TMPRSS4: variants seen among roughly 807,000 people sequenced by gnomAD.
The protein encoded by TMPRSS4 is transmembrane protease serine 4.
A neutral mutation model predicts 56.4 loss-of-function variants in TMPRSS4; 45 were observed. That is an observed-to-expected ratio of 0.80 (90% CI 0.63 to 1.02). The LOEUF (loss-of-function observed/expected upper bound fraction) is 1.02. Among genes scored for constraint, TMPRSS4 ranks in the 50% least tolerant of loss-of-function variants. The pLI, the probability that TMPRSS4 is intolerant of heterozygous loss-of-function variation, is 0.00. For missense variants in TMPRSS4, 546 were observed against 556.7 expected, an observed-to-expected ratio of 0.98 and a Z score of 0.19; for synonymous variants, 205 against 211.0, an observed-to-expected ratio of 0.97 and a Z score of 0.25.
chr11:118,082,064 AG>A (rs1945175684), intron 1 of TMPRSS4, among the ~76,000 whole-genome samples: 1 of 152,180 alleles, frequency 6.6e-6, no homozygotes, highest in Non-Finnish European at 1.5e-5. Flanking sequence ...GGGTCTTGCC[AG>A]GCTGCTGGGA....
At position 118,080,681 on chromosome 11, in the gene TMPRSS4, C is replaced by A. The variant is rs538233556; in HGVS notation, c.3+3376C>A. On this transcript the variant is annotated intron_variant, in intron 1 of 12. Transcript: ENST00000437212. ...AATGTAAGAAATGAGGAGAGACCAG[C>A]TCAAGGGGGTCATGGGTAGAGGGAG... is the stretch of plus-strand genomic sequence containing the variant. Among the ~76,000 whole-genome samples the A allele has an allele frequency of 2.0e-5, 3 of 152,284 alleles. No homozygotes were observed. In the East Asian group the frequency reaches 5.8e-4, roughly 29 times the overall value.
At chr11:118,098,778 G>A (rs1328853835) in intron 2 of TMPRSS4, among the ~76,000 whole-genome samples, 3 of 152,188 alleles carry the variant, frequency 2.0e-5, no homozygotes, top group African/African-American at 7.2e-5. Context: ...GGAAAGATAG[G>A]TGAGCCTGGA....
At chr11:118,104,655 C>G (rs763747588) in intron 4 of TMPRSS4, 36 bp from the exon 5 acceptor site, 6 of 1,613,694 alleles carry the variant, frequency 3.7e-6, no homozygotes. Flanking sequence ...CAGTTGGGCC[C>G]CCCGTTCCAT....
downstream of TMPRSS4, among the ~76,000 whole-genome samples, chr11:118,124,807 T>C (rs1424425613): frequency 2.0e-5 from 3 of 152,212 alleles, no homozygotes; most frequent in Non-Finnish European, 2.9e-5. Context: ...GACTACATAC[T>C]AGTCCAAGAA....
At chr11:118,103,363 G>A in intron 4 of TMPRSS4, 110 bp downstream of exon 4, 1 of 582,044 alleles carries the variant, frequency 1.7e-6, no homozygotes, top group Non-Finnish European at 2.7e-6. Flanking sequence ...TTTCATCCTT[G>A]TTGTATAAGG....
chr11:118,090,614 GAA>G (rs11369045), intron 1 of TMPRSS4, among the ~76,000 whole-genome samples: 1 of 138,422 alleles, frequency 7.2e-6, no homozygotes, highest in Non-Finnish European at 1.5e-5. Flanking sequence ...TCATCTCTAC[GAA>G]AAAAAAAAAA....
At chr11:118,116,812 G>T (rs577043878) in intron 11 of TMPRSS4, among the ~76,000 whole-genome samples, 1 of 150,388 alleles carries the variant, frequency 6.6e-6, no homozygotes, top group Non-Finnish European at 1.5e-5. Context: ...CTCTGGGTTC[G>T]AATGATTCTC....
At chr11:118,111,167 G>A (rs532897371) in intron 7 of TMPRSS4, among the ~76,000 whole-genome samples, 4 of 152,344 alleles carry the variant, frequency 2.6e-5, no homozygotes, top group Admixed American at 6.5e-5. Flanking sequence ...GAAAGGCAGA[G>A]CATGGGTGGA....
intron 5 of TMPRSS4, among the ~76,000 whole-genome samples, chr11:118,105,317 A>T (rs1375741500): frequency 6.6e-6 from 1 of 152,188 alleles, no homozygotes; most frequent in Non-Finnish European, 1.5e-5. Flanking sequence ...AGCAGTTCCA[A>T]ATCTGGAGTG....
chr11:118,099,931 G>A (rs953722477), intron 3 of TMPRSS4, among the ~76,000 whole-genome samples: 1 of 152,160 alleles, frequency 6.6e-6, no homozygotes, highest in African/African-American at 2.4e-5. Context: ...TGAAGGAGCA[G>A]GGATGTGGGT....
intron 1 of TMPRSS4, among the ~76,000 whole-genome samples, chr11:118,093,494 C>T (rs1217135409): frequency 6.6e-6 from 1 of 152,208 alleles, no homozygotes; most frequent in Non-Finnish European, 1.5e-5. Flanking sequence ...AAAGGGCCTG[C>T]ATTTTTTTGT....
At chr11:118,099,453 AAGAG>A (rs976401999) in intron 3 of TMPRSS4, among the ~76,000 whole-genome samples, 2 of 38,904 alleles carry the variant, frequency 5.1e-5, no homozygotes, top group East Asian at 6.5e-4. Context: ...AGAAGAGAGA[AAGAG>A]AGAAAGAAAG....
rs1894176 is a variant in TMPRSS4, at chr11:118,107,863, G to A, written c.530G>A (p.Arg177Gln). Residue 177 changes from arginine (R) to glutamine (Q), a missense_variant, in exon 6 of 13, where the codon CGG becomes CAG. Coordinates refer to ENST00000437212, the MANE Select transcript of TMPRSS4 (RefSeq NM_019894.4). ...GAAAACAGCCAGGAGCTTCGCATGC[G>A]GAACTCAAGTGGGTAAGTGAGGGGA... Reference protein sequence around the residue: ...ITENSQELRMRNSSGPCLSGS... With the variant: ...ITENSQELRMQNSSGPCLSGS... 6.2e-3 allele frequency: 10,079 copies of A among 1,613,876 alleles called. 468 individuals are homozygous for A. The African/African-American group carries it at 0.11, about 17-fold the overall frequency.
At chr11:118,117,789 G>C (rs1208627345) in intron 12 of TMPRSS4, 113 bp from the exon 13 acceptor site, 3 of 1,602,038 alleles carry the variant, frequency 1.9e-6, no homozygotes, top group African/African-American at 2.7e-5. Context: ...CCCTCTGCAG[G>C]GTAGGGAGAG....
chr11:118,108,636 A>G, intron 6 of TMPRSS4: 1 of 578,588 alleles, frequency 1.7e-6, no homozygotes, highest in South Asian at 2.1e-5. Flanking sequence ...AGCACACAGT[A>G]GGTACTCAGC....
chr11:118,078,142 C>T (rs983777400), intron 1 of TMPRSS4, among the ~76,000 whole-genome samples: 5 of 151,866 alleles, frequency 3.3e-5, no homozygotes, highest in Admixed American at 2.6e-4. Context: ...CTCACCCTCT[C>T]TCCTCCTCCT....
intron 2 of TMPRSS4, among the ~76,000 whole-genome samples, chr11:118,096,902 A>G (rs1276558289): frequency 5.6e-5 from 3 of 53,716 alleles, no homozygotes; most frequent in Non-Finnish European, 8.1e-5. Flanking sequence ...AAAGAAAGAA[A>G]GAAAGAAAGG....
chr11:118,111,855 G>A lies in TMPRSS4; in HGVS notation c.698G>A (p.Ser233Asn). The part of the protein sequence containing the change: ...QYDKQHVCGG[S>N]ILDPHWVLTA... ...GACAAACAGCACGTCTGTGGAGGGA[G>A]CATCCTGGACCCCCACTGGGTCCTC... Residue 233 changes from serine (S) to asparagine (N), a missense_variant, in exon 8 of 13, where the codon AGC (serine) becomes AAC (asparagine). Transcript: ENST00000437212. 6.2e-7 allele frequency: 1 copy of A among 1,609,444 alleles called. No homozygotes were observed. The highest frequency in any genetic ancestry group is 8.5e-7 in the Non-Finnish European group (1 of 1,178,156).
intron 1 of TMPRSS4, among the ~76,000 whole-genome samples, chr11:118,082,417 C>T (rs113137102): frequency 1.3e-5 from 2 of 152,108 alleles, no homozygotes; most frequent in Non-Finnish European, 2.9e-5. Context: ...AAACATTAGC[C>T]GAGCGCAGTA....
Sources: gnomAD v4.1 joint callset for allele counts (sites outside exome capture counted in the v4.1 genomes callset) on GRCh38, gnomAD v4.1.1 for gene constraint, MANE v1.5 for transcripts, NCBI Gene and HGNC (gene_info 2026-07-23, HGNC 2026-07-21) for gene names.